Variants in TMEM135 observed in about 807,000 individuals in gnomAD.
The protein encoded by TMEM135 is transmembrane protein 135.
Under a neutral mutation model 60.3 loss-of-function variants are expected in TMEM135, and 30 were observed. The ratio of observed to expected loss-of-function variants is 0.50; its 90% CI spans 0.37 to 0.68. The LOEUF is 0.68. TMEM135 is among the 30% of genes least tolerant of loss of function. The pLI is 0.00. For synonymous variants in TMEM135, 190 were observed against 186.7 expected (o/e 1.02, Z -0.14); for missense variants, 468 against 548.8 (o/e 0.85, Z 1.47).
chr11:87,117,725 A>G (rs779277615), intron 4 of TMEM135, among the ~76,000 whole-genome samples: 3 of 152,270 alleles, frequency 2.0e-5, no homozygotes, highest in African/African-American at 4.8e-5. Flanking sequence ...TACGTCATCT[A>G]TGAGGGTGAG....
At chr11:87,258,121 T>A (rs1941564974) in intron 6 of TMEM135, among the ~76,000 whole-genome samples, 1 of 151,932 alleles carries the variant, frequency 6.6e-6, no homozygotes, top group Admixed American at 6.6e-5. Context: ...ATATATTTGA[T>A]TATATATTGA....
chr11:87,151,330 C>A (rs1938550769), intron 4 of TMEM135, among the ~76,000 whole-genome samples: 1 of 151,934 alleles, frequency 6.6e-6, no homozygotes, highest in South Asian at 2.1e-4. Context: ...GTTATAATTT[C>A]TTAGAGTCCT....
intron 6 of TMEM135, among the ~76,000 whole-genome samples, chr11:87,283,970 T>C (rs1591167594): frequency 1.4e-5 from 1 of 73,074 alleles, no homozygotes; most frequent in Non-Finnish European, 4.5e-5. Context: ...CTGAAAGTAT[T>C]TGTTTGTCTT....
intron 6 of TMEM135, chr11:87,259,054 T>C (rs1941589810): frequency 7.2e-7 from 1 of 1,392,146 alleles, no homozygotes; most frequent in South Asian, 1.2e-5. Flanking sequence ...GTACATTTTG[T>C]GAGCCACAAA....
At chr11:87,254,119 T>A (rs2459959) in intron 6 of TMEM135, among the ~76,000 whole-genome samples, 100,149 of 151,904 alleles carry the variant, frequency 0.66, 33,588 homozygotes, top group Non-Finnish European at 0.71. Context: ...ATTTCTAATA[T>A]CAGTGGTGAG....
intron 4 of TMEM135, among the ~76,000 whole-genome samples, chr11:87,120,593 T>C (rs3133321): frequency 0.48 from 71,507 of 150,222 alleles, 17,296 homozygotes; most frequent in East Asian, 0.67. Flanking sequence ...TGCCTCAGCC[T>C]CGTAGTTGGG....
At position 87,328,529 on chromosome 11, in the gene TMEM135, A is replaced by T. The variant is rs1296761368; in HGVS notation, c.*7196A>T. On this transcript the variant is annotated 3_prime_UTR_variant, in exon 15 of 15. Transcript: ENST00000305494. The stretch of plus-strand genomic sequence containing the variant: ...CCCTTCTGAGTCTCCATAGTCCATT[A>T]TATCACTCTGTATACCCTTGTGTAT... 1 of 453,958 alleles carries T rather than the reference A, an allele frequency of 2.2e-6. No homozygotes were observed. Among genetic ancestry groups the T allele is most frequent in the Non-Finnish European group, 4.4e-6 (1 of 226,796 alleles). 28.1% of individuals were successfully genotyped at this position (453,958 alleles called of 1,614,324 possible).
intron 5 of TMEM135, among the ~76,000 whole-genome samples, chr11:87,169,218 T>A (rs1382875543): frequency 6.7e-6 from 1 of 149,444 alleles, no homozygotes; most frequent in African/African-American, 2.5e-5. Flanking sequence ...ATGGGACTCC[T>A]GAACACAGCA....
intron 5 of TMEM135, among the ~76,000 whole-genome samples, chr11:87,171,398 G>A (rs1939233733): frequency 6.6e-6 from 1 of 151,090 alleles, no homozygotes; most frequent in Admixed American, 6.6e-5. Context: ...TGAGGGTATT[G>A]ATAAGCTTGT....
At chr11:87,078,145 A>G (rs1856912076) in intron 3 of TMEM135, among the ~76,000 whole-genome samples, 1 of 152,206 alleles carries the variant, frequency 6.6e-6, no homozygotes, top group Admixed American at 6.5e-5. Context: ...TAGCTTTTTG[A>G]GGAACTGCCA....
chr11:87,091,206 A>G (rs1203779972), intron 3 of TMEM135, among the ~76,000 whole-genome samples, 156 bp from the exon 4 acceptor site: 2 of 152,080 alleles, frequency 1.3e-5, no homozygotes, highest in African/African-American at 4.8e-5. Context: ...TAGGTCAGAG[A>G]GAAATTAGTT....
intron 6 of TMEM135, among the ~76,000 whole-genome samples, chr11:87,283,975 T>C (rs1235341154): frequency 1.3e-5 from 2 of 152,392 alleles, no homozygotes; most frequent in Middle Eastern, 3.4e-3. Flanking sequence ...AGTATTTGTT[T>C]GTCTTGAGGT....
intron 6 of TMEM135, among the ~76,000 whole-genome samples, chr11:87,263,847 T>G (rs1256440391): frequency 2.0e-5 from 3 of 152,072 alleles, no homozygotes; most frequent in African/African-American, 7.2e-5. Flanking sequence ...ATACCATTAA[T>G]TATTTTAAAA....
intron 4 of TMEM135, among the ~76,000 whole-genome samples, chr11:87,098,252 G>C (rs1214938989): frequency 1.3e-5 from 2 of 151,800 alleles, no homozygotes; most frequent in Non-Finnish European, 2.9e-5. Context: ...GGCATAAATG[G>C]GTTAAAGAGA....
chr11:87,161,544 T>G (rs537937638), intron 5 of TMEM135, among the ~76,000 whole-genome samples: 10 of 152,332 alleles, frequency 6.6e-5, no homozygotes, highest in Non-Finnish European at 1.5e-4. Flanking sequence ...GAACAAAGTT[T>G]AACAATTCTT....
chr11:87,085,255 T>C (rs1857071578), intron 3 of TMEM135, among the ~76,000 whole-genome samples: 1 of 152,172 alleles, frequency 6.6e-6, no homozygotes, highest in Admixed American at 6.5e-5. Flanking sequence ...TAATATTCTC[T>C]CCGGGTCTGA....
intron 1 of TMEM135, among the ~76,000 whole-genome samples, chr11:87,044,174 C>G (rs1949774928): frequency 6.6e-6 from 1 of 152,064 alleles, no homozygotes; most frequent in African/African-American, 2.4e-5. Flanking sequence ...TTAATCACTT[C>G]TAGGCTCTGA....
chr11:87,158,355 A>G (rs886483261), intron 5 of TMEM135, among the ~76,000 whole-genome samples: 2 of 152,216 alleles, frequency 1.3e-5, no homozygotes, highest in African/African-American at 2.4e-5. Context: ...CTTCATGACT[A>G]TAAATGTGTT....
intron 5 of TMEM135, among the ~76,000 whole-genome samples, chr11:87,202,048 T>C (rs190187496): frequency 2.8e-4 from 43 of 152,140 alleles, no homozygotes; most frequent in African/African-American, 9.9e-4. Flanking sequence ...TTATGTTATA[T>C]GAAGTCTGGC....
Sources: allele counts gnomAD v4.1 joint callset (sites outside exome capture counted in the v4.1 genomes callset), GRCh38; gene constraint gnomAD v4.1.1; transcripts MANE v1.5; gene names NCBI Gene and HGNC (gene_info 2026-07-23, HGNC 2026-07-21).